CARS1: variants seen among roughly 807,000 people sequenced by gnomAD.
CARS1 encodes cysteinyl-tRNA synthetase 1.
Under a neutral mutation model 106.2 loss-of-function variants are expected in CARS1, and 48 were observed. That is an observed-to-expected ratio of 0.45 (90% CI 0.36 to 0.57). The LOEUF is 0.57. CARS1 is among the 20% of genes least tolerant of loss of function. The pLI is 0.00. For missense variants in CARS1, 968 were observed against 1,057.2 expected (o/e 0.92, Z 1.17); for synonymous variants, 409 against 403.4 (o/e 1.01, Z -0.17).
chr11:3,010,071 C>T (rs1850300680), intron 18 of CARS1, among the ~76,000 whole-genome samples: 1 of 152,236 alleles, frequency 6.6e-6, no homozygotes, highest in African/African-American at 2.4e-5. Flanking sequence ...CACCCATCTA[C>T]CTGCTCCAAG....
chr11:3,041,046 C>T lies in CARS1; in HGVS notation c.367-62G>A. The T allele has an allele frequency of 1.9e-6, 3 of 1,611,728 alleles. No homozygotes were observed. The highest frequency in any genetic ancestry group is 2.5e-6 in the Non-Finnish European group (3 of 1,178,814). On this transcript the variant is annotated intron_variant, in intron 3 of 22. Transcript: ENST00000380525. The surrounding 1 kb of genome is among the most constrained non-coding windows in gnomAD (Gnocchi z 4.9). ...TGCAAGAAACACTGCACAGGATTAC[C>T]AAAAACAGCAACAAACATCACAGTG...
rs978742209 is a variant in CARS1 at position 3,034,965 on chromosome 11, C to A, written c.801+3085G>T. ...CTTTTCCCAGAGTCCCAAGGTGGCG[C>A]AGAGCATCACATGGCCAGGGGGCTC... On this transcript the variant is annotated intron_variant, in intron 7 of 22. Coordinates refer to ENST00000380525, the MANE Select transcript of CARS1 (RefSeq NM_001014437.3). This position sits in a 1 kb window ranked among gnomAD's most constrained non-coding sequence, Gnocchi z 6.3. 6.6e-6 allele frequency among the ~76,000 whole-genome samples: 1 copy of A among 152,144 alleles called. No individual in the cohort carries two copies. The highest frequency in any genetic ancestry group is 2.4e-5 in the African/African-American group (1 of 41,424).
chr11:3,019,461 C>T lies in CARS1; in HGVS notation c.1267-194G>A, dbSNP rs1181775440. 2.0e-5 allele frequency among the ~76,000 whole-genome samples: 3 copies of T among 152,110 alleles called. No homozygotes were observed. The highest frequency in any genetic ancestry group is 2.9e-5 in the Non-Finnish European group (2 of 68,016). ...CTGTAATCCCAGCACTTTGCGATGC[C>T]GAGGCAGACGGATCACCAGGTCAGG... On this transcript the variant is annotated intron_variant, in intron 11 of 22. Coordinates refer to ENST00000380525, the MANE Select transcript of CARS1 (RefSeq NM_001014437.3). This position sits in a 1 kb window ranked among gnomAD's most constrained non-coding sequence, Gnocchi z 6.2.
rs181204382 is a variant in CARS1, at chr11:3,054,434, C to T, written c.25+2909G>A. Among the ~76,000 whole-genome samples the T allele has an allele frequency of 2.0e-3, 298 of 152,336 alleles. 1 individual carries two copies. Among genetic ancestry groups the T allele is most frequent in the African/African-American group, 6.6e-3 (276 of 41,568 alleles). On this transcript the variant is annotated intron_variant, in intron 1 of 22. Transcript: ENST00000380525. ...TACTGCCTAAGGCTCTTCAAATACC[C>T]GGAAACATGGTACCTGAGTTCATAG...
Position 3,015,810 on chromosome 11 carries a change from G to C in CARS1, c.1957C>G (p.Pro653Ala), listed in dbSNP as rs376797594. ...AVEEDSSLGF[P>A]VGGPGTSLSL... ...AGGCTGGTTCCAGGCCCTCCGACCGGGAATCCCAGGGAGCTGTCCTCTTCT... is the reference window on the plus strand; with the variant it reads ...AGGCTGGTTCCAGGCCCTCCGACCGCGAATCCCAGGGAGCTGTCCTCTTCT... The change falls in exon 17 of 23, where the codon CCG becomes GCG. Residue 653 changes from proline (P) to alanine (A), a missense_variant. Physicochemically the swap from Pro to Ala is conservative, Grantham distance 27. Transcript: ENST00000380525. 3 of 1,614,056 alleles carry C rather than the reference G, an allele frequency of 1.9e-6. No homozygotes were observed. Among genetic ancestry groups the C allele is most frequent in the African/African-American group, 2.7e-5 (2 of 74,938 alleles).
chr11:3,057,233 C>T, intron 1 of CARS1, 110 bp downstream of exon 1: 1 of 953,254 alleles, frequency 1.0e-6, no homozygotes, highest in Non-Finnish European at 1.6e-6. Flanking sequence ...CCCTCAGAAC[C>T]CATGCACCCG....
chr11:3,006,478 A>G (rs1454575283), intron 19 of CARS1, among the ~76,000 whole-genome samples: 1 of 152,258 alleles, frequency 6.6e-6, no homozygotes, highest in Non-Finnish European at 1.5e-5. Flanking sequence ...GAAAATAAAA[A>G]ACAAAAAAAT....
chr11:3,042,737 G>A lies in CARS1; in HGVS notation c.275-481C>T, dbSNP rs928952998. Reference sequence around the variant, plus strand: ...CTGACAAGGTATGGTCTGTTCTGCCGCAGCCCTGGGAACCTCCCCCACCCA... The same window carrying A: ...CTGACAAGGTATGGTCTGTTCTGCCACAGCCCTGGGAACCTCCCCCACCCA... On this transcript the variant is annotated intron_variant, in intron 2 of 22. Coordinates refer to ENST00000380525, the MANE Select transcript of CARS1 (RefSeq NM_001014437.3). Among the ~76,000 whole-genome samples the A allele has an allele frequency of 7.2e-5, 11 of 152,272 alleles. No homozygotes were observed. In the South Asian group the frequency reaches 2.3e-3, roughly 32 times the overall value.
At chr11:3,026,019 A>G (rs1169125354) in intron 10 of CARS1, among the ~76,000 whole-genome samples, 2 of 152,224 alleles carry the variant, frequency 1.3e-5, no homozygotes, top group African/African-American at 4.8e-5. Context: ...ACCATAAAAA[A>G]ATGACATCTT....
At chr11:3,016,190 A>C (rs1258689668) in intron 16 of CARS1, among the ~76,000 whole-genome samples, 1 of 150,188 alleles carries the variant, frequency 6.7e-6, no homozygotes. Context: ...GGATGTGTTC[A>C]GAGAGGAGGC....
At chr11:3,023,994 G>A (rs1391632542) in intron 10 of CARS1, among the ~76,000 whole-genome samples, 1 of 152,192 alleles carries the variant, frequency 6.6e-6, no homozygotes, top group Non-Finnish European at 1.5e-5. Context: ...CAGGGTTCAA[G>A]CGATTCTTCT....
At chr11:3,026,239 C>A (rs1209563775) in intron 10 of CARS1, among the ~76,000 whole-genome samples, 1 of 152,148 alleles carries the variant, frequency 6.6e-6, no homozygotes, top group Non-Finnish European at 1.5e-5. Context: ...TTTCTAGGCA[C>A]AAACACACAG....
At chr11:3,042,772 A>G (rs1854650084) in intron 2 of CARS1, among the ~76,000 whole-genome samples, 1 of 152,084 alleles carries the variant, frequency 6.6e-6, no homozygotes, top group South Asian at 2.1e-4. Context: ...AGGATCCCTC[A>G]CCTGGACAAA....
intron 9 of CARS1, chr11:3,027,703 G>A (rs1590409581): frequency 1.1e-5 from 4 of 366,342 alleles, no homozygotes; most frequent in Non-Finnish European, 2.3e-5. Context: ...GGAGTGACCA[G>A]AAGACAAGAG....
chr11:3,003,959 G>A lies in CARS1; in HGVS notation c.2218-1359C>T, dbSNP rs548604915. Reference sequence around the variant, plus strand: ...GCCAGTGGAAAGGCCAGCACAAAGAGTGCAAGGCCTGTGAGGCTCTGGCCG... The same window carrying A: ...GCCAGTGGAAAGGCCAGCACAAAGAATGCAAGGCCTGTGAGGCTCTGGCCG... On this transcript the variant is annotated intron_variant, in intron 20 of 22. Coordinates refer to ENST00000380525, the MANE Select transcript of CARS1 (RefSeq NM_001014437.3). This position sits in a 1 kb window ranked among gnomAD's most constrained non-coding sequence, Gnocchi z 4.8. Among the ~76,000 whole-genome samples, 24 of 152,300 alleles carry A rather than the reference G, an allele frequency of 1.6e-4. No individual in the cohort carries two copies. The highest frequency in any genetic ancestry group is 2.9e-4 in the Non-Finnish European group (20 of 68,016).
rs1218504678 is a variant in CARS1 at position 3,040,391 on chromosome 11, A to G, written c.456-460T>C. The G allele has an allele frequency of 7.2e-5, 28 of 386,496 alleles. No individual in the cohort carries two copies. In the Admixed American group the frequency reaches 7.8e-4, roughly 11 times the overall value. 23.9% of individuals were successfully genotyped at this position (386,496 alleles called of 1,614,324 possible). On this transcript the variant is annotated intron_variant, in intron 4 of 22. Transcript: ENST00000380525. This position sits in a 1 kb window ranked among gnomAD's most constrained non-coding sequence, Gnocchi z 5.8. ...CAGGTTGTTCAAGGGTTGACTATAC[A>G]TGACCTTGGCACTGCAACTAAAACA...
intron 18 of CARS1, among the ~76,000 whole-genome samples, chr11:3,010,161 G>T (rs1169011187): frequency 6.6e-6 from 1 of 152,212 alleles, no homozygotes; most frequent in Non-Finnish European, 1.5e-5. Flanking sequence ...CACTCTCCAG[G>T]CCTGAGCAAG....
chr11:3,013,297 C>G (rs1040558372), intron 17 of CARS1, among the ~76,000 whole-genome samples: 22 of 152,146 alleles, frequency 1.4e-4, no homozygotes, highest in African/African-American at 5.3e-4. Context: ...GGATTACAGG[C>G]ATGCGCCACT....
intron 18 of CARS1, among the ~76,000 whole-genome samples, chr11:3,011,847 G>A (rs1174623216): frequency 2.0e-5 from 3 of 152,344 alleles, no homozygotes; most frequent in African/African-American, 4.8e-5. Context: ...GGCAGGTGGT[G>A]ACTGGGCTGG....
Sources: allele counts gnomAD v4.1 joint callset (sites outside exome capture counted in the v4.1 genomes callset), GRCh38; gene constraint gnomAD v4.1.1; non-coding constraint Gnocchi (gnomAD v3.1); transcripts MANE v1.5; gene names NCBI Gene and HGNC (gene_info 2026-07-23, HGNC 2026-07-21).